Variants in SDCCAG8 observed in about 807,000 individuals in gnomAD.
SDCCAG8 encodes SHH signaling and ciliogenesis regulator SDCCAG8, also known as serologically defined colon cancer antigen 8.
SDCCAG8 carries 74 observed loss-of-function variants against 101.8 expected under a neutral mutation model. The ratio of observed to expected loss-of-function variants is 0.73; its 90% CI spans 0.60 to 0.88. The LOEUF (loss-of-function observed/expected upper bound fraction) is 0.88. Ranked by LOEUF, SDCCAG8 falls within the 40% of genes least tolerant of loss-of-function variation. The probability of loss-of-function intolerance (pLI) is 0.00; values close to 1 mark genes in which losing one functional copy is unlikely to be tolerated. For missense variants in SDCCAG8, 787 were observed against 822.6 expected (o/e 0.96, Z 0.53); for synonymous variants, 281 against 292.9 (o/e 0.96, Z 0.41).
At chr1:243,468,265 T>C (rs1660541643) in intron 16 of SDCCAG8, among the ~76,000 whole-genome samples, 1 of 151,348 alleles carries the variant, frequency 6.6e-6, no homozygotes, top group African/African-American at 2.4e-5. Flanking sequence ...TCACCCAGGC[T>C]GAAGTGCAGT....
At chr1:243,290,927 T>G (rs980861999) in intron 5 of SDCCAG8, among the ~76,000 whole-genome samples, 2 of 152,186 alleles carry the variant, frequency 1.3e-5, no homozygotes, top group Non-Finnish European at 2.9e-5. Context: ...GACTGTAAAC[T>G]CCTTGGAGCT....
At chr1:243,282,690 A>T (rs1320907260) in intron 4 of SDCCAG8, among the ~76,000 whole-genome samples, 1 of 152,174 alleles carries the variant, frequency 6.6e-6, no homozygotes, top group East Asian at 1.9e-4. Context: ...CCAGAATTCT[A>T]GGTTGGTGGG....
chr1:243,330,714 A>T (rs2074524439), intron 10 of SDCCAG8, 22 bp downstream of exon 10: 1 of 1,613,572 alleles, frequency 6.2e-7, no homozygotes. Context: ...CTCTGCTGTT[A>T]TCCACATTGC....
At chr1:243,423,355 A>G (rs1270016118) in intron 15 of SDCCAG8, among the ~76,000 whole-genome samples, 1 of 152,026 alleles carries the variant, frequency 6.6e-6, no homozygotes, top group African/African-American at 2.4e-5. Context: ...CCCTTCAGTC[A>G]TTTTTCATGT....
Position 243,366,685 on chromosome 1 carries a change from G to C in SDCCAG8, c.1474-12036G>C, listed in dbSNP as rs116821831. Among the ~76,000 whole-genome samples, 226 of 152,098 alleles carry C rather than the reference G, an allele frequency of 1.5e-3. 2 individuals are homozygous for C. The highest frequency in any genetic ancestry group is 5.1e-3 in the African/African-American group (213 of 41,506). ...ATGATTGTAAATTTGAGGAGGAAATGATGTACCTTAGATGTGTCATTGGAC... is the reference window on the plus strand; with the variant it reads ...ATGATTGTAAATTTGAGGAGGAAATCATGTACCTTAGATGTGTCATTGGAC... On this transcript the variant is annotated intron_variant, in intron 12 of 17. Transcript: ENST00000366541.
intron 16 of SDCCAG8, among the ~76,000 whole-genome samples, chr1:243,444,379 T>G (rs536866934): frequency 6.3e-5 from 9 of 143,156 alleles, no homozygotes; most frequent in South Asian, 2.2e-4. Context: ...GTTTGTTTTG[T>G]TTTTTTTTTT....
intron 1 of SDCCAG8, among the ~76,000 whole-genome samples, chr1:243,262,724 A>G (rs1467084231): frequency 6.6e-6 from 1 of 152,186 alleles, no homozygotes; most frequent in Admixed American, 6.5e-5. Context: ...ATGTTTAAAG[A>G]CTTATGGTCT....
At chr1:243,289,971 A>C (rs569906085) in intron 5 of SDCCAG8, among the ~76,000 whole-genome samples, 2 of 152,126 alleles carry the variant, frequency 1.3e-5, no homozygotes, top group African/African-American at 4.8e-5. Flanking sequence ...AGCCATTCAA[A>C]GTATATTTCA....
At chr1:243,352,151 C>T (rs2076118198) in intron 12 of SDCCAG8, among the ~76,000 whole-genome samples, 1 of 152,084 alleles carries the variant, frequency 6.6e-6, no homozygotes, top group African/African-American at 2.4e-5. Flanking sequence ...TTTACAAAAT[C>T]AAATGTATAA....
chr1:243,489,083 C>A lies in SDCCAG8; in HGVS notation c.2055C>A (p.Asn685Lys). The change falls in exon 17 of 18, where the codon AAC becomes AAA. Residue 685 changes from asparagine to lysine, a missense_variant. Transcript: ENST00000366541. ...TGGTGCAGCTCCTCAGCAAGCAGAA[C>A]CAGCTTCTCCTGGAGAGGCAGAGCC... The part of the protein sequence containing the change: ...QQLVQLLSKQ[N>K]QLLLERQSLS... 6.2e-7 allele frequency: 1 copy of A among 1,613,376 alleles called. No individual in the cohort carries two copies. Among genetic ancestry groups the A allele is most frequent in the Non-Finnish European group, 8.5e-7 (1 of 1,180,002 alleles).
Position 243,481,644 on chromosome 1 carries a change from C to T in SDCCAG8, c.1986-7370C>T, listed in dbSNP as rs144356412. On this transcript the variant is annotated intron_variant, in intron 16 of 17. Transcript: ENST00000366541. ...TCATTTCCATGAGGAAGACGCCGCTCCCAGGGAAATAGTGAGTCTAAGCAC... is the reference window on the plus strand; with the variant it reads ...TCATTTCCATGAGGAAGACGCCGCTTCCAGGGAAATAGTGAGTCTAAGCAC... 5.3e-3 allele frequency among the ~76,000 whole-genome samples: 805 copies of T among 152,238 alleles called. 14 individuals carry two copies. Among genetic ancestry groups the T allele is most frequent in the South Asian group, 0.05 (243 of 4,824 alleles).
chr1:243,375,089 C>A (rs531796103), intron 12 of SDCCAG8, among the ~76,000 whole-genome samples: 2 of 152,220 alleles, frequency 1.3e-5, no homozygotes, highest in East Asian at 3.9e-4. Context: ...GAACTACTGA[C>A]TAATGCTTTA....
intron 13 of SDCCAG8, among the ~76,000 whole-genome samples, chr1:243,391,029 G>C (rs1279665270): frequency 1.3e-5 from 2 of 152,256 alleles, no homozygotes; most frequent in East Asian, 1.9e-4. Context: ...AAACTCCTGG[G>C]CTCAAGCGGA....
chr1:243,383,420 G>A (rs1328888234), intron 13 of SDCCAG8, among the ~76,000 whole-genome samples: 1 of 152,156 alleles, frequency 6.6e-6, no homozygotes, highest in Non-Finnish European at 1.5e-5. Context: ...TTTCCTTCCA[G>A]TTCTGATAAT....
chr1:243,359,026 T>TAAAA (rs1353960572), intron 12 of SDCCAG8, among the ~76,000 whole-genome samples: 1 of 152,154 alleles, frequency 6.6e-6, no homozygotes, highest in African/African-American at 2.4e-5. Context: ...CTAAAATCGG[T>TAAAA]TGTGGTAATA....
In SDCCAG8 at chr1:243,308,138, A is replaced by G. The variant is rs1267318794; in HGVS notation, c.890A>G (p.His297Arg). 1 of 1,614,086 alleles carries G rather than the reference A, an allele frequency of 6.2e-7. No homozygotes were observed. The highest frequency in any genetic ancestry group is 8.5e-7 in the Non-Finnish European group (1 of 1,180,036). ...CATGAAGCTGTTCTTTCCCAAACCC[A>G]TACTAATGTTCATATGCAGACCATC... ...AQHEAVLSQT[H>R]TNVHMQTIER... Residue 297 changes from histidine to arginine, a missense_variant, in exon 8 of 18, where the codon CAT (histidine) becomes CGT (arginine). Transcript: ENST00000366541.
At chr1:243,358,359 T>C (rs1226713801) in intron 12 of SDCCAG8, among the ~76,000 whole-genome samples, 1 of 152,170 alleles carries the variant, frequency 6.6e-6, no homozygotes, top group Admixed American at 6.5e-5. Flanking sequence ...TGTGAAAAGA[T>C]GCTCAACATC....
At chr1:243,301,802 T>G (rs2071536780) in intron 6 of SDCCAG8, among the ~76,000 whole-genome samples, 1 of 151,914 alleles carries the variant, frequency 6.6e-6, no homozygotes. Flanking sequence ...AAAAGGAAAG[T>G]AAAGGATATA....
At chr1:243,279,483 T>C (rs988299958) in intron 4 of SDCCAG8, among the ~76,000 whole-genome samples, 1 of 152,260 alleles carries the variant, frequency 6.6e-6, no homozygotes, top group Non-Finnish European at 1.5e-5. Context: ...ATTGCTAGCT[T>C]GAGAAAATAA....
Sources: allele counts gnomAD v4.1 joint callset (sites outside exome capture counted in the v4.1 genomes callset), GRCh38; gene constraint gnomAD v4.1.1; transcripts MANE v1.5; gene names NCBI Gene and HGNC (gene_info 2026-07-23, HGNC 2026-07-21).